The following ZFR2 variants were observed in gnomAD, a reference collection of about 807,000 sequenced individuals.
ZFR2 encodes the protein zinc finger RNA-binding protein 2.
In ZFR2, 104 loss-of-function variants were observed where a neutral mutation model predicts 105.7. The ratio of observed to expected loss-of-function variants is 0.98; its 90% CI spans 0.84 to 1.16. The LOEUF (loss-of-function observed/expected upper bound fraction) is 1.16. ZFR2 is among the 50% of genes most tolerant of loss of function. The pLI is 0.00. For synonymous variants in ZFR2, 634 were observed against 597.7 expected (o/e 1.06, Z -0.89); for missense variants, 1,425 against 1,355.5 (o/e 1.05, Z -0.80).
intron 1 of ZFR2, among the ~76,000 whole-genome samples, chr19:3,860,888 T>G (rs2038365871): frequency 6.6e-6 from 1 of 152,088 alleles, no homozygotes; most frequent in South Asian, 2.1e-4. Flanking sequence ...GAGCCGCTCG[T>G]GTCAAGGGCA....
In ZFR2 at chr19:3,834,335, CCA is replaced by C. The variant is rs1245399088; in HGVS notation, c.264+436_264+437del. On this transcript the variant is annotated intron_variant, in intron 2 of 18. Transcript: ENST00000262961. The surrounding 1 kb of genome is among the most constrained non-coding windows in gnomAD (Gnocchi z 5.3). The stretch of plus-strand genomic sequence containing the variant: ...GAGGTCGTCAGCACCCAGGTGCACC[CCA>C]CACACCACAGACTCCCTCTTAGAAG... Among the ~76,000 whole-genome samples the C allele has an allele frequency of 1.3e-5, 2 of 152,052 alleles. No homozygotes were observed. The highest frequency in any genetic ancestry group is 4.8e-5 in the African/African-American group (2 of 41,420).
At chr19:3,862,651 A>G (rs1040942790) in intron 1 of ZFR2, among the ~76,000 whole-genome samples, 40 of 152,172 alleles carry the variant, frequency 2.6e-4, no homozygotes, top group Admixed American at 6.6e-5. Context: ...ACACTTCAAA[A>G]ACATCCAATC....
chr19:3,810,871 C>G (rs1194978856), intron 15 of ZFR2, 26 bp from the exon 16 acceptor site: 1 of 1,548,878 alleles, frequency 6.5e-7, no homozygotes, highest in Admixed American at 2.0e-5. Flanking sequence ...ACACGGTTAG[C>G]TTTCAGGGGC....
chr19:3,822,320 T>C, intron 8 of ZFR2, 120 bp from the exon 9 acceptor site: 2 of 1,449,848 alleles, frequency 1.4e-6, no homozygotes, highest in Non-Finnish European at 1.9e-6. Flanking sequence ...TATGTATGTC[T>C]TTTTAGAGAC....
At chr19:3,845,407 A>C (rs910880477) in intron 1 of ZFR2, among the ~76,000 whole-genome samples, 1 of 151,752 alleles carries the variant, frequency 6.6e-6, no homozygotes, top group Non-Finnish European at 1.5e-5. Flanking sequence ...AGATGGCTTG[A>C]ACCCAGGAGT....
At position 3,823,171 on chromosome 19, in the gene ZFR2, G is replaced by A. The variant is rs999727398; in HGVS notation, c.1371+75C>T. ...TGTAAATCTCGCTGGGAGAAGCCGG[G>A]TGAGGTCTCGAAGCCTGATCCATGG... On this transcript the variant is annotated intron_variant, in intron 8 of 18. Transcript: ENST00000262961. The surrounding 1 kb of genome is among the most constrained non-coding windows in gnomAD (Gnocchi z 5.4). 2 of 1,597,320 alleles carry A rather than the reference G, an allele frequency of 1.3e-6. No homozygotes were observed. The highest frequency in any genetic ancestry group is 1.7e-5 in the Admixed American group (1 of 59,788).
chr19:3,825,360 C>G lies in ZFR2; in HGVS notation c.1083G>C (p.Glu361Asp). The change falls in exon 7 of 19, where the codon GAG becomes GAC. Residue 361 changes from glutamate (E) to aspartate (D), a missense_variant. Physicochemically the swap from Glu to Asp is conservative, Grantham distance 45. Transcript: ENST00000262961. Reference sequence around the variant, plus strand: ...GGGGGCTCTCTGTGGCCAGTGCAGGCTCGAGGGTGGGAATGGGCTTCCCCA... The same window carrying G: ...GGGGGCTCTCTGTGGCCAGTGCAGGGTCGAGGGTGGGAATGGGCTTCCCCA... Reference protein sequence around the residue: ...AKLGKPIPTLEPALATESPPG... With the variant: ...AKLGKPIPTLDPALATESPPG... 1 of 1,592,114 alleles carries G rather than the reference C, an allele frequency of 6.3e-7. No homozygotes were observed. Among genetic ancestry groups the G allele is most frequent in the Non-Finnish European group, 8.5e-7 (1 of 1,171,516 alleles).
chr19:3,868,637 G>A (rs1209048171), intron 1 of ZFR2, among the ~76,000 whole-genome samples: 1 of 141,296 alleles, frequency 7.1e-6, no homozygotes, highest in East Asian at 2.0e-4. Context: ...GCCCCCATCA[G>A]GGGCTGACCC....
chr19:3,812,375 C>T (rs1025251224), intron 14 of ZFR2, among the ~76,000 whole-genome samples: 6 of 152,116 alleles, frequency 3.9e-5, no homozygotes, highest in East Asian at 1.9e-4. Context: ...CCGCTGTGCC[C>T]GACCTAAAAA....
At chr19:3,814,647 C>T (rs141657774) in intron 13 of ZFR2, among the ~76,000 whole-genome samples, 58 of 152,360 alleles carry the variant, frequency 3.8e-4, no homozygotes, top group Middle Eastern at 3.4e-3. Context: ...CAGTTATTGT[C>T]TTTGCCACCA....
chr19:3,821,604 CTTT>C (rs56275505), intron 9 of ZFR2, 125 bp from the exon 10 acceptor site: 608 of 247,800 alleles, frequency 2.5e-3, no homozygotes, highest in South Asian at 0.01. Flanking sequence ...CTCCCAAAGC[CTTT>C]TTTTTTTTTT....
intron 1 of ZFR2, among the ~76,000 whole-genome samples, chr19:3,847,569 A>G (rs2038196125): frequency 1.3e-5 from 2 of 152,230 alleles, no homozygotes; most frequent in Non-Finnish European, 2.9e-5. Context: ...TATTTGTAAA[A>G]AAGAATCATA....
chr19:3,821,981 G>A (rs1317703464), intron 9 of ZFR2, 100 bp downstream of exon 9: 5 of 1,454,310 alleles, frequency 3.4e-6, no homozygotes, highest in Non-Finnish European at 4.6e-6. Flanking sequence ...TAAGTTCGTC[G>A]GATCACACGC....
At position 3,823,168 on chromosome 19, in the gene ZFR2, C is replaced by T. The variant is rs1022087206; in HGVS notation, c.1371+78G>A. On this transcript the variant is annotated intron_variant, in intron 8 of 18. Transcript: ENST00000262961. The surrounding 1 kb of genome is among the most constrained non-coding windows in gnomAD (Gnocchi z 5.4). ...GTCTGTAAATCTCGCTGGGAGAAGC[C>T]GGGTGAGGTCTCGAAGCCTGATCCA... 1.1e-4 allele frequency: 169 copies of T among 1,594,748 alleles called. No homozygotes were observed. The highest frequency in any genetic ancestry group is 1.7e-4 in the Middle Eastern group (1 of 6,032).
chr19:3,809,266 C>T (rs954269032), intron 16 of ZFR2, among the ~76,000 whole-genome samples: 3 of 152,134 alleles, frequency 2.0e-5, no homozygotes, highest in Non-Finnish European at 4.4e-5. Context: ...TCTGCTTCCC[C>T]GGTTCAAGCG....
In ZFR2 at chr19:3,831,898, C is replaced by T. The variant is rs768625055; in HGVS notation, c.380-20G>A. On this transcript the variant is annotated intron_variant, in intron 3 of 18. Transcript: ENST00000262961. ...GGGTCCCTAGGGGACAGGGACAGGC[C>T]CTCTGCAGAGCCAACCCCCACCCCA... 16 of 1,523,260 alleles carry T rather than the reference C, an allele frequency of 1.1e-5. No homozygotes were observed. The highest frequency in any genetic ancestry group is 9.6e-6 in the Non-Finnish European group (11 of 1,140,420). 94.4% of individuals were successfully genotyped at this position (1,523,260 alleles called of 1,614,324 possible).
intron 1 of ZFR2, among the ~76,000 whole-genome samples, chr19:3,868,583 A>T (rs1456803817): frequency 4.5e-5 from 1 of 22,422 alleles, no homozygotes; most frequent in Non-Finnish European, 9.5e-5. Context: ...CAGACCACCC[A>T]CCCCCCGCCC....
At chr19:3,819,422 C>G (rs917941061) in intron 11 of ZFR2, among the ~76,000 whole-genome samples, 187 bp from the exon 12 acceptor site, 1 of 152,078 alleles carries the variant, frequency 6.6e-6, no homozygotes, top group African/African-American at 2.4e-5. Context: ...CGGGCTGCCC[C>G]GATGGCTGCA....
intron 18 of ZFR2, 34 bp downstream of exon 18, chr19:3,807,138 G>C (rs2037704974): frequency 6.7e-7 from 1 of 1,489,334 alleles, no homozygotes. Flanking sequence ...GCTGGGGCCT[G>C]GGTGTCACCC....
Sources: allele counts gnomAD v4.1 joint callset (sites outside exome capture counted in the v4.1 genomes callset), GRCh38; gene constraint gnomAD v4.1.1; non-coding constraint Gnocchi (gnomAD v3.1); transcripts MANE v1.5; gene names NCBI Gene and HGNC (gene_info 2026-07-23, HGNC 2026-07-21).